The following SLC35D1 variants were observed in gnomAD, a reference collection of about 807,000 sequenced individuals.
The protein encoded by SLC35D1 is solute carrier family 35 member D1, also known as nucleotide sugar transporter SLC35D1.
SLC35D1 carries 31 observed loss-of-function variants against 46.7 expected under a neutral mutation model. The ratio of observed to expected loss-of-function variants is 0.66; its 90% CI spans 0.50 to 0.90. The LOEUF is 0.90. Ranked by LOEUF, SLC35D1 falls within the 40% of genes least tolerant of loss-of-function variation. SLC35D1 has a pLI of 0.00. For synonymous variants in SLC35D1, 195 were observed against 164.6 expected, an observed-to-expected ratio of 1.18 and a Z score of -1.41; for missense variants, 397 against 426.2, an observed-to-expected ratio of 0.93 and a Z score of 0.60.
chr1:67,049,222 AGGC>A (rs1558167418), intron 6 of SLC35D1, among the ~76,000 whole-genome samples: 1 of 151,796 alleles, frequency 6.6e-6, no homozygotes, highest in East Asian at 1.9e-4. Context: ...TAAACCTGGG[AGGC>A]GGAGCTTGCA....
chr1:67,053,208 C>G (rs1477683149), intron 1 of SLC35D1, among the ~76,000 whole-genome samples: 1 of 152,066 alleles, frequency 6.6e-6, no homozygotes, highest in Admixed American at 6.5e-5. Context: ...CCCATCTTGT[C>G]CGAGTCTACA....
At chr1:67,026,171 T>C (rs2815357) in intron 8 of SLC35D1, among the ~76,000 whole-genome samples, 118,410 of 152,054 alleles carry the variant, frequency 0.78, 46,417 homozygotes, top group South Asian at 0.88. Flanking sequence ...TCCTTTCTTA[T>C]GCTGAGAAAG....
At chr1:67,024,076 C>G (rs1476492106) in intron 8 of SLC35D1, among the ~76,000 whole-genome samples, 1 of 151,838 alleles carries the variant, frequency 6.6e-6, no homozygotes, top group African/African-American at 2.4e-5. Context: ...TTCCAACTAG[C>G]TGGGATTACA....
rs1015590655 is a variant in SLC35D1 at position 67,047,196 on chromosome 1, A to C, written c.636+69T>G. On this transcript the variant is annotated intron_variant, in intron 7 of 11. Coordinates refer to ENST00000235345, the MANE Select transcript of SLC35D1 (RefSeq NM_015139.3). ...CCAGTAAGAACTTTCTTTATTCCCCACTTTTTCTCCTATGAATTGACATGC... is the reference window on the plus strand; with the variant it reads ...CCAGTAAGAACTTTCTTTATTCCCCCCTTTTTCTCCTATGAATTGACATGC... 10 of 1,259,468 alleles carry C rather than the reference A, an allele frequency of 7.9e-6. No homozygotes were observed. The Admixed American group carries it at 1.4e-4, about 18-fold the overall frequency. The allele number at this position is 1,259,468 out of a possible 1,614,324, so 78.0% of individuals were successfully genotyped here. A position where few individuals can be genotyped will look rare whatever the true frequency, so the allele number is the denominator to read the frequency against.
At chr1:67,038,287 T>C (rs935442697) in intron 8 of SLC35D1, among the ~76,000 whole-genome samples, 6 of 152,140 alleles carry the variant, frequency 3.9e-5, no homozygotes, top group Non-Finnish European at 5.9e-5. Context: ...AGCCTAAAAT[T>C]TCTTCATTAT....
intron 8 of SLC35D1, among the ~76,000 whole-genome samples, chr1:67,028,896 A>G (rs1360538289): frequency 6.6e-6 from 1 of 151,970 alleles, no homozygotes; most frequent in Non-Finnish European, 1.5e-5. Flanking sequence ...AAAAGTTCCA[A>G]TTGAGTCTTT....
chr1:66,982,066 C>T, the SLC35D1 span: 39 of 700,286 alleles, frequency 5.6e-5, no homozygotes. Flanking sequence ...CATCAGCATA[C>T]ATATATACTA....
At chr1:67,006,997 A>G (rs1667463694) in intron 11 of SLC35D1, among the ~76,000 whole-genome samples, 1 of 152,190 alleles carries the variant, frequency 6.6e-6, no homozygotes, top group African/African-American at 2.4e-5. Flanking sequence ...TATTCATCAA[A>G]TAAGAATAAT....
downstream of SLC35D1, among the ~76,000 whole-genome samples, chr1:66,997,519 A>AATATATATATAT (rs35571347): frequency 5.8e-3 from 430 of 73,974 alleles, 5 homozygotes; most frequent in East Asian, 0.04. Context: ...AAAAAAAAAA[A>AATATATATATAT]ATATATATAT....
At chr1:66,997,081 A>G (rs1667245910), downstream of SLC35D1, among the ~76,000 whole-genome samples, 1 of 152,222 alleles carries the variant, frequency 6.6e-6, no homozygotes. Flanking sequence ...CACCAAAAGC[A>G]CAGGCAACAA....
At chr1:67,042,162 A>T in intron 8 of SLC35D1, 74 bp downstream of exon 8, 1 of 1,362,330 alleles carries the variant, frequency 7.3e-7, no homozygotes, top group Non-Finnish European at 1.1e-6. Flanking sequence ...TGAACAACAA[A>T]GCCTATCTTT....
chr1:67,004,772 C>T (rs1667413708), intron 11 of SLC35D1, among the ~76,000 whole-genome samples: 1 of 152,146 alleles, frequency 6.6e-6, no homozygotes. Context: ...CTGTAAGGAA[C>T]ACACCAAGAA....
chr1:66,997,514 A>AT (rs1250211326), downstream of SLC35D1, among the ~76,000 whole-genome samples: 31 of 60,210 alleles, frequency 5.1e-4, no homozygotes, highest in Admixed American at 3.0e-3. Flanking sequence ...AAAAAAAAAA[A>AT]AAAAAATATA....
At chr1:66,984,307 C>T in the SLC35D1 span, among the ~76,000 whole-genome samples, 540 of 152,274 alleles carry the variant, frequency 3.5e-3, 3 homozygotes, top group African/African-American at 0.012. Flanking sequence ...TAGTTCTTTA[C>T]ATTTATTAAC....
At chr1:66,996,790 G>A (rs1667242477), downstream of SLC35D1, among the ~76,000 whole-genome samples, 1 of 152,192 alleles carries the variant, frequency 6.6e-6, no homozygotes, top group South Asian at 2.1e-4. Context: ...AGGAAGCCAA[G>A]TGAGACAAGA....
chr1:66,997,464 C>G (rs968922579), downstream of SLC35D1, among the ~76,000 whole-genome samples: 1 of 143,494 alleles, frequency 7.0e-6, no homozygotes, highest in African/African-American at 2.6e-5. Context: ...GATCATGCCA[C>G]TGCACTCCAG....
chr1:67,024,201 C>T (rs1174446070), intron 8 of SLC35D1, among the ~76,000 whole-genome samples: 10 of 151,942 alleles, frequency 6.6e-5, no homozygotes, highest in African/African-American at 2.2e-4. Flanking sequence ...CCGCCTCAGC[C>T]TCCCAAAGTG....
Position 67,047,303 on chromosome 1 carries a change from C to T in SLC35D1, c.598G>A (p.Ala200Thr), listed in dbSNP as rs751922486. The T allele has an allele frequency of 9.9e-6, 16 of 1,613,308 alleles. No homozygotes were observed. The Admixed American group carries it at 2.7e-4, about 27-fold the overall frequency. ...FILINDVLTA[A>T]NGAYVKQKLD... ...TTTTGTTTTACGTATGCACCATTTG[C>T]TGCTGTTAGGACATCGTTTATCAGA... Residue 200 changes from alanine to threonine, a missense_variant, in exon 7 of 12, where the codon GCA (alanine) becomes ACA (threonine). Coordinates refer to ENST00000235345, the MANE Select transcript of SLC35D1 (RefSeq NM_015139.3).
At chr1:66,979,640 T>C in the SLC35D1 span, among the ~76,000 whole-genome samples, 4 of 152,346 alleles carry the variant, frequency 2.6e-5, no homozygotes, top group East Asian at 7.7e-4. Context: ...TTCCTGAATA[T>C]TCTGGATGCT....
Sources: gnomAD v4.1 joint callset for allele counts (sites outside exome capture counted in the v4.1 genomes callset) on GRCh38, gnomAD v4.1.1 for gene constraint, MANE v1.5 for transcripts, NCBI Gene and HGNC (gene_info 2026-07-23, HGNC 2026-07-21) for gene names.